The following EPHX2 variants were observed in gnomAD, a reference collection of about 807,000 sequenced individuals.
EPHX2 encodes the protein bifunctional epoxide hydrolase 2.
EPHX2 carries 74 observed loss-of-function variants against 78.7 expected under a neutral mutation model. That is an observed-to-expected ratio of 0.94 (90% CI 0.78 to 1.14). The LOEUF is 1.14. EPHX2 is among the 50% of genes most tolerant of loss of function. The probability of loss-of-function intolerance (pLI) is 0.00; values close to 1 mark genes in which losing one functional copy is unlikely to be tolerated. For synonymous variants in EPHX2, 251 were observed against 255.2 expected, an observed-to-expected ratio of 0.98 and a Z score of 0.16; for missense variants, 715 against 702.5, an observed-to-expected ratio of 1.02 and a Z score of -0.20.
chr8:27,509,535 C>G (rs971420886), intron 5 of EPHX2, among the ~76,000 whole-genome samples: 4 of 152,254 alleles, frequency 2.6e-5, no homozygotes, highest in African/African-American at 7.2e-5. Flanking sequence ...ACCTCTGCCT[C>G]CCAGGATCAA....
intron 6 of EPHX2, among the ~76,000 whole-genome samples, chr8:27,515,220 C>T (rs1357146098): frequency 6.6e-6 from 1 of 152,170 alleles, no homozygotes. Flanking sequence ...CCAAGAAAAC[C>T]CTGCTCTTTA....
intron 1 of EPHX2, among the ~76,000 whole-genome samples, chr8:27,500,179 C>T (rs139801555): frequency 1.6e-3 from 248 of 152,164 alleles, no homozygotes; most frequent in Non-Finnish European, 2.4e-3. Flanking sequence ...TGGATTTCCT[C>T]CTTGCTGTTC....
At position 27,528,798 on chromosome 8, in the gene EPHX2, A is replaced by G. The variant is rs970083172; in HGVS notation, c.1170+3325A>G. ...ACCCGTCTCCCCCACTTATTTTTTT[A>G]TTATTATTATTATTTGAGACAGAGT... On this transcript the variant is annotated intron_variant, in intron 12 of 18. Transcript: ENST00000521400. Among the ~76,000 whole-genome samples the G allele has an allele frequency of 2.0e-5, 3 of 151,698 alleles. No individual in the cohort carries two copies. In the East Asian group the frequency reaches 5.8e-4, roughly 29 times the overall value.
intron 12 of EPHX2, among the ~76,000 whole-genome samples, chr8:27,535,622 T>C (rs1815187877): frequency 6.6e-6 from 1 of 152,186 alleles, no homozygotes; most frequent in Non-Finnish European, 1.5e-5. Context: ...TGTCCTCTTA[T>C]GCTCCAAAAA....
downstream of EPHX2, among the ~76,000 whole-genome samples, chr8:27,547,865 G>A (rs990044963): frequency 2.0e-5 from 3 of 152,062 alleles, no homozygotes; most frequent in Non-Finnish European, 1.5e-5. Context: ...TTCCATCCGC[G>A]TTGCTGCGAG....
chr8:27,520,020 T>A (rs902778383), intron 9 of EPHX2, among the ~76,000 whole-genome samples: 4 of 151,400 alleles, frequency 2.6e-5, no homozygotes, highest in African/African-American at 9.7e-5. Flanking sequence ...TTTTTTTTTT[T>A]AATAAGCAAC....
chr8:27,494,157 A>G lies in EPHX2; in HGVS notation c.101+2848A>G, dbSNP rs73227315. ...GTGTTTGGGTGACTCAGGAGTTACT[A>G]TGATCAGTTGGGGCTTGAAGTTATA... On this transcript the variant is annotated intron_variant, in intron 1 of 18. Transcript: ENST00000521400. 6.9e-3 allele frequency among the ~76,000 whole-genome samples: 1,050 copies of G among 152,306 alleles called. 10 individuals are homozygous for G. Among genetic ancestry groups the G allele is most frequent in the Non-Finnish European group, 0.011 (753 of 68,018 alleles).
chr8:27,491,460 G>C, intron 1 of EPHX2, 151 bp downstream of exon 1: 1 of 588,846 alleles, frequency 1.7e-6, no homozygotes, highest in South Asian at 2.2e-5. Context: ...TGAAGTCCCA[G>C]TGCATATGAG....
At chr8:27,536,497 G>A (rs144690177) in intron 12 of EPHX2, among the ~76,000 whole-genome samples, 9 of 152,260 alleles carry the variant, frequency 5.9e-5, no homozygotes, top group Non-Finnish European at 1.0e-4. Context: ...CCTTTCAAGA[G>A]ATTATTATAA....
At position 27,543,666 on chromosome 8, in the gene EPHX2, T is replaced by A. The variant is rs948480775; in HGVS notation, c.1450-83T>A. 4 of 1,378,618 alleles carry A rather than the reference T, an allele frequency of 2.9e-6. No individual in the cohort carries two copies. The African/African-American group carries it at 4.3e-5, about 15-fold the overall frequency. 85.4% of individuals were successfully genotyped at this position (1,378,618 alleles called of 1,614,324 possible). A position where few individuals can be genotyped will look rare whatever the true frequency, so the allele number is the denominator to read the frequency against. Reference sequence around the variant, plus strand: ...ATACAACGTCAGGACCACAGCAGGGTGGCGAGCAGGGGTCTTTCAGAGGAG... The same window carrying A: ...ATACAACGTCAGGACCACAGCAGGGAGGCGAGCAGGGGTCTTTCAGAGGAG... On this transcript the variant is annotated intron_variant, in intron 16 of 18. Coordinates refer to ENST00000521400, the MANE Select transcript of EPHX2 (RefSeq NM_001979.6).
At chr8:27,545,969 G>A (rs1465006930), downstream of EPHX2, among the ~76,000 whole-genome samples, 1 of 152,076 alleles carries the variant, frequency 6.6e-6, no homozygotes, top group Non-Finnish European at 1.5e-5. Flanking sequence ...GAGGGAAACT[G>A]AGGTTCAGAT....
chr8:27,505,128 G>A lies in EPHX2; in HGVS notation c.519G>A (p.Leu173=), dbSNP rs751495938. The change falls in exon 4 of 19, where the codon CTG becomes CTA. Residue 173 remains leucine (L), a synonymous_variant. Coordinates refer to ENST00000521400, the MANE Select transcript of EPHX2 (RefSeq NM_001979.6). ...TCTACAAGTTTCTGCTGGACACCCT[G>A]AAGGCCAGCCCCAGTGAGGTACGGA... ...PQIYKFLLDT[L]KASPSEVVFL... is the part of the protein sequence containing the mutation. 1 of 1,614,136 alleles carries A rather than the reference G, an allele frequency of 6.2e-7. No individual in the cohort carries two copies. The highest frequency in any genetic ancestry group is 2.2e-5 in the East Asian group (1 of 44,888).
rs765452496 is a variant in EPHX2, at chr8:27,506,911, G to A, written c.577G>A (p.Ala193Thr). 1.2e-6 allele frequency: 2 copies of A among 1,614,072 alleles called. No homozygotes were observed. Among genetic ancestry groups the A allele is most frequent in the Non-Finnish European group, 1.7e-6 (2 of 1,180,008 alleles). Residue 193 changes from alanine to threonine, a missense_variant, in exon 5 of 19, where the codon GCC becomes ACC. By Grantham distance (58) the Ala-to-Thr change is moderately conservative (BLOSUM62 0). Coordinates refer to ENST00000521400, the MANE Select transcript of EPHX2 (RefSeq NM_001979.6). ...LDDIGANLKP[A>T]RDLGMVTILV... is the part of the protein sequence containing the mutation. ...TGACATCGGGGCTAATCTGAAGCCAGCCCGTGACTTGGGAATGGTCACCAT... is the reference window on the plus strand; with the variant it reads ...TGACATCGGGGCTAATCTGAAGCCAACCCGTGACTTGGGAATGGTCACCAT...
At chr8:27,522,843 C>T (rs1814697021) in intron 11 of EPHX2, among the ~76,000 whole-genome samples, 1 of 151,910 alleles carries the variant, frequency 6.6e-6, no homozygotes, top group South Asian at 2.1e-4. Flanking sequence ...CACCTATACT[C>T]CCAGCTACTC....
intron 1 of EPHX2, among the ~76,000 whole-genome samples, chr8:27,498,194 C>G (rs1471469087): frequency 6.6e-6 from 1 of 152,108 alleles, no homozygotes; most frequent in Non-Finnish European, 1.5e-5. Flanking sequence ...GGATATATAC[C>G]CAGGTTGGGC....
At chr8:27,530,472 A>G (rs949965831) in intron 12 of EPHX2, among the ~76,000 whole-genome samples, 1 of 152,196 alleles carries the variant, frequency 6.6e-6, no homozygotes, top group Non-Finnish European at 1.5e-5. Flanking sequence ...AAGCAAATAT[A>G]TGTGTGTATG....
intron 6 of EPHX2, among the ~76,000 whole-genome samples, chr8:27,512,298 CTT>C (rs1280329461): frequency 1.3e-5 from 2 of 152,182 alleles, no homozygotes; most frequent in Non-Finnish European, 2.9e-5. Context: ...GGCTAGGGAG[CTT>C]GGGCAGCCTG....
intron 10 of EPHX2, among the ~76,000 whole-genome samples, chr8:27,521,804 G>A (rs554194299): frequency 1.3e-5 from 2 of 152,324 alleles, no homozygotes; most frequent in East Asian, 3.9e-4. Context: ...AGTGGGGTCA[G>A]TGTGGAGCGA....
At chr8:27,539,936 T>C (rs1309392817) in intron 14 of EPHX2, among the ~76,000 whole-genome samples, 1 of 152,192 alleles carries the variant, frequency 6.6e-6, no homozygotes, top group Non-Finnish European at 1.5e-5. Context: ...GCATTGAGGC[T>C]GTGCCCTGTG....
Sources: allele counts gnomAD v4.1 joint callset (sites outside exome capture counted in the v4.1 genomes callset), GRCh38; gene constraint gnomAD v4.1.1; transcripts MANE v1.5; gene names NCBI Gene and HGNC (gene_info 2026-07-23, HGNC 2026-07-21).